The following CEP128 variants were observed in gnomAD, a reference collection of about 807,000 sequenced individuals.
CEP128 encodes centrosomal protein 128.
Under a neutral mutation model 156.7 loss-of-function variants are expected in CEP128, and 132 were observed. The ratio of observed to expected loss-of-function variants is 0.84; its 90% CI spans 0.73 to 0.97. CEP128 has a LOEUF of 0.97. CEP128 is among the 50% of genes least tolerant of loss of function. The probability of loss-of-function intolerance (pLI) is 0.00; values close to 1 mark genes in which losing one functional copy is unlikely to be tolerated. For synonymous variants in CEP128, 469 were observed against 448.9 expected (o/e 1.04, Z -0.57); for missense variants, 1,252 against 1,281.9 (o/e 0.98, Z 0.36).
At chr14:80,490,040 T>G (rs1887272571), downstream of CEP128, among the ~76,000 whole-genome samples, 1 of 152,146 alleles carries the variant, frequency 6.6e-6, no homozygotes, top group South Asian at 2.1e-4. Flanking sequence ...AGGTTTTCAT[T>G]TAGTCCATTC....
At chr14:80,774,627 G>A (rs541797878) in intron 16 of CEP128, among the ~76,000 whole-genome samples, 11 of 151,888 alleles carry the variant, frequency 7.2e-5, no homozygotes, top group African/African-American at 2.4e-4. Context: ...GTGTGTGTGC[G>A]TGTGTGTGTA....
intron 14 of CEP128, 94 bp downstream of exon 14, chr14:80,792,666 G>A: frequency 1.1e-6 from 1 of 931,508 alleles, no homozygotes. Context: ...TTGATTATAT[G>A]TACAGTATGG....
intron 23 of CEP128, among the ~76,000 whole-genome samples, chr14:80,520,243 A>AC (rs1165369989): frequency 6.6e-6 from 1 of 152,082 alleles, no homozygotes; most frequent in Non-Finnish European, 1.5e-5. Context: ...ACATGGTGAA[A>AC]CCCCATCTCC....
intron 20 of CEP128, among the ~76,000 whole-genome samples, chr14:80,560,286 G>A (rs1198106690): frequency 3.3e-5 from 5 of 152,122 alleles, no homozygotes; most frequent in Non-Finnish European, 5.9e-5. Flanking sequence ...GTAGCCAGGT[G>A]CGGTGCCGCG....
intron 13 of CEP128, among the ~76,000 whole-genome samples, chr14:80,801,227 T>C (rs1595421755): frequency 6.6e-6 from 1 of 152,224 alleles, no homozygotes; most frequent in Non-Finnish European, 1.5e-5. Context: ...AATGCCTTTA[T>C]TTGTTTCTCT....
intron 19 of CEP128, among the ~76,000 whole-genome samples, chr14:80,638,641 C>G (rs1209639256): frequency 2.6e-5 from 4 of 152,114 alleles, no homozygotes; most frequent in Non-Finnish European, 5.9e-5. Context: ...TGTCTTTTAC[C>G]CTTCTACAAT....
intron 4 of CEP128, among the ~76,000 whole-genome samples, chr14:80,907,913 T>C (rs1234717564): frequency 1.3e-5 from 2 of 152,164 alleles, no homozygotes; most frequent in African/African-American, 4.8e-5. Context: ...GAAAAGTCAC[T>C]ACAGTGATTT....
chr14:80,904,141 T>G (rs541129579), intron 6 of CEP128, among the ~76,000 whole-genome samples: 1 of 152,252 alleles, frequency 6.6e-6, no homozygotes, highest in South Asian at 2.1e-4. Context: ...ATATACACAA[T>G]GCAATACTAT....
intron 19 of CEP128, among the ~76,000 whole-genome samples, chr14:80,686,799 A>G (rs1256314738): frequency 6.6e-6 from 1 of 151,968 alleles, no homozygotes; most frequent in African/African-American, 2.4e-5. Flanking sequence ...AAAACAACCA[A>G]CAAAGATTCT....
chr14:80,676,198 T>C (rs888715737), intron 19 of CEP128, among the ~76,000 whole-genome samples: 4 of 152,124 alleles, frequency 2.6e-5, no homozygotes, highest in Admixed American at 6.5e-5. Context: ...ACAAGGTAGA[T>C]CACCCTTTAT....
chr14:80,488,972 C>T (rs1222136799), downstream of CEP128, among the ~76,000 whole-genome samples: 3 of 99,350 alleles, frequency 3.0e-5, no homozygotes, highest in Non-Finnish European at 3.8e-5. Flanking sequence ...CATCACACTC[C>T]AGGGACTGTT....
intron 14 of CEP128, among the ~76,000 whole-genome samples, chr14:80,786,410 C>T (rs1166287805): frequency 6.6e-6 from 1 of 152,122 alleles, no homozygotes. Context: ...AGTTAAAATG[C>T]AAATATTTGC....
chr14:80,825,064 T>C (rs1339091305), intron 13 of CEP128, among the ~76,000 whole-genome samples: 2 of 152,226 alleles, frequency 1.3e-5, no homozygotes, highest in Non-Finnish European at 2.9e-5. Flanking sequence ...GCAGGGAAAC[T>C]GCTTTATAAA....
chr14:80,906,963 T>A (rs1346373809), intron 4 of CEP128, among the ~76,000 whole-genome samples: 1 of 152,188 alleles, frequency 6.6e-6, no homozygotes, highest in Non-Finnish European at 1.5e-5. Flanking sequence ...CATCTATAAC[T>A]CTTTAAGTAG....
At chr14:80,774,479 A>G (rs2139752376) in intron 16 of CEP128, among the ~76,000 whole-genome samples, 1 of 152,318 alleles carries the variant, frequency 6.6e-6, no homozygotes, top group African/African-American at 2.4e-5. Flanking sequence ...GGTAATCTTC[A>G]GGCTACTAAT....
intron 9 of CEP128, among the ~76,000 whole-genome samples, chr14:80,857,881 A>G (rs1249808327): frequency 6.6e-6 from 1 of 152,228 alleles, no homozygotes; most frequent in Non-Finnish European, 1.5e-5. Context: ...TCTCTTAAAG[A>G]AGAGACTTCC....
chr14:80,955,957 AGTGTGTGTATGTGTGAGTGAATGTCT>A, intron 2 of CEP128: 1 of 1,366,784 alleles, frequency 7.3e-7, no homozygotes, highest in Non-Finnish European at 1.0e-6. Flanking sequence ...GTAGTGTGTG[AGTGTGTGTATGTGTGAGTGAATGTCT>A]GTGTGTGTAG....
intron 19 of CEP128, among the ~76,000 whole-genome samples, chr14:80,705,844 C>T (rs371872729): frequency 3.9e-5 from 6 of 152,062 alleles, no homozygotes; most frequent in South Asian, 2.1e-4. Flanking sequence ...AATTCTCAGA[C>T]GAATCAATTT....
intron 19 of CEP128, among the ~76,000 whole-genome samples, chr14:80,655,019 T>A (rs912650156): frequency 2.0e-5 from 3 of 152,166 alleles, no homozygotes. Flanking sequence ...TGTCTCTTTT[T>A]TTCTCTCACC....
Sources: gnomAD v4.1 joint callset for allele counts (sites outside exome capture counted in the v4.1 genomes callset) on GRCh38, gnomAD v4.1.1 for gene constraint, MANE v1.5 for transcripts, NCBI Gene and HGNC (gene_info 2026-07-23, HGNC 2026-07-21) for gene names.